The following FBN1 variants were observed in gnomAD, a reference collection of about 807,000 sequenced individuals.
The protein encoded by FBN1 is fibrillin-1.
In FBN1, 29 loss-of-function variants were observed where a neutral mutation model predicts 365.1. The ratio of observed to expected loss-of-function variants is 0.08; its 90% CI spans 0.06 to 0.11. The LOEUF is 0.11. Ranked by LOEUF, FBN1 falls within the 10% of genes least tolerant of loss-of-function variation. The probability of loss-of-function intolerance (pLI) is 1.00; values close to 1 mark genes in which losing one functional copy is unlikely to be tolerated. For missense variants in FBN1, 2,476 were observed against 3,703.2 expected (o/e 0.67, Z 8.60); for synonymous variants, 1,210 against 1,270.5 (o/e 0.95, Z 1.01).
chr15:48,618,892 T>C (rs1341201962), intron 2 of FBN1, among the ~76,000 whole-genome samples: 1 of 152,138 alleles, frequency 6.6e-6, no homozygotes, highest in Non-Finnish European at 1.5e-5. Flanking sequence ...TGACTGATGA[T>C]CTGTCACTGT....
intron 50 of FBN1, 128 bp downstream of exon 50, chr15:48,441,592 AC>A: frequency 8.8e-7 from 1 of 1,140,068 alleles, no homozygotes; most frequent in Non-Finnish European, 1.3e-6. Flanking sequence ...TTATCATTAG[AC>A]CTCTGGGTGA....
At position 48,410,837 on chromosome 15, in the gene FBN1, C is replaced by G. The variant is rs2042854725; in HGVS notation, c.*153G>C. ...TTTGAACTAGGGTAGTCACCTGTAC[C>G]TTGCTTTGGTAATACAAAGAATAGT... On this transcript the variant is annotated 3_prime_UTR_variant, in exon 66 of 66. Coordinates refer to ENST00000316623, the MANE Select transcript of FBN1 (RefSeq NM_000138.5). 1.3e-6 allele frequency: 1 copy of G among 771,630 alleles called. No homozygotes were observed. The highest frequency in any genetic ancestry group is 1.9e-5 in the South Asian group (1 of 53,570). The allele number at this position is 771,630 out of a possible 1,614,324, so 47.8% of individuals were successfully genotyped here. A position where few individuals can be genotyped will look rare whatever the true frequency, so the allele number is the denominator to read the frequency against.
At chr15:48,543,606 C>G (rs1756015766) in intron 6 of FBN1, among the ~76,000 whole-genome samples, 2 of 152,158 alleles carry the variant, frequency 1.3e-5, no homozygotes, top group African/African-American at 4.8e-5. Flanking sequence ...AAGGAAACAA[C>G]CAGAAAACTC....
At chr15:48,571,275 G>A (rs1315370414) in intron 6 of FBN1, among the ~76,000 whole-genome samples, 4 of 152,080 alleles carry the variant, frequency 2.6e-5, no homozygotes. Context: ...GTTTAAACTA[G>A]GTATAGCAGA....
chr15:48,584,839 A>G (rs528073779), intron 6 of FBN1, among the ~76,000 whole-genome samples: 7 of 152,340 alleles, frequency 4.6e-5, no homozygotes, highest in Admixed American at 3.3e-4. Flanking sequence ...CCAGTTTTAT[A>G]TCATTAAGAT....
intron 50 of FBN1, among the ~76,000 whole-genome samples, chr15:48,438,410 T>G (rs1004746671): frequency 6.6e-6 from 1 of 152,144 alleles, no homozygotes; most frequent in African/African-American, 2.4e-5. Flanking sequence ...GGAACTAAAA[T>G]AAAATCCCAG....
At chr15:48,435,692 AT>A (rs1156788776) in intron 53 of FBN1, among the ~76,000 whole-genome samples, 1 of 133,312 alleles carries the variant, frequency 7.5e-6, no homozygotes, top group Non-Finnish European at 1.6e-5. Flanking sequence ...GTGTGTGTGC[AT>A]GTGTGTGTGT....
Position 48,488,491 on chromosome 15 carries a change from T to C in FBN1, c.3085A>G (p.Ile1029Val), listed in dbSNP as rs751214646. 6.2e-7 allele frequency: 1 copy of C among 1,613,724 alleles called. No individual in the cohort carries two copies. Among genetic ancestry groups the C allele is most frequent in the Non-Finnish European group, 8.5e-7 (1 of 1,180,008 alleles). ...CTGGGTATCATCTTGCACTCATTGA[T>C]ATCTTCAAGAATAAGAAAATGTGGG... is the stretch of plus-strand genomic sequence containing the variant. ...ITNGKPFFKD[I>V]NECKMIPSLC... The change falls in exon 26 of 66, where the codon ATC (isoleucine) becomes GTC (valine). Residue 1029 changes from isoleucine to valine, a missense_variant and splice_region_variant. Physicochemically the swap from Ile to Val is conservative, Grantham distance 29. This residue lies in a region of FBN1 where 1,780 missense variants were observed against 2,840.8 expected (regional missense o/e 0.63). Coordinates refer to ENST00000316623, the MANE Select transcript of FBN1 (RefSeq NM_000138.5).
chr15:48,435,656 G>A (rs2043059755), intron 53 of FBN1, among the ~76,000 whole-genome samples: 1 of 151,250 alleles, frequency 6.6e-6, no homozygotes, highest in African/African-American at 2.4e-5. Flanking sequence ...TCTTTGACCA[G>A]AGACCTAAAA....
intron 4 of FBN1, among the ~76,000 whole-genome samples, chr15:48,605,831 C>T (rs1301271409): frequency 2.0e-5 from 3 of 152,072 alleles, no homozygotes; most frequent in South Asian, 2.1e-4. Context: ...GCTGAGATCG[C>T]ACCACTGTAC....
At chr15:48,510,542 A>G (rs535337483) in intron 13 of FBN1, among the ~76,000 whole-genome samples, 20 of 152,214 alleles carry the variant, frequency 1.3e-4, no homozygotes, top group Non-Finnish European at 2.6e-4. Flanking sequence ...TAAAAGACAT[A>G]TTTTATAGCT....
In FBN1 at chr15:48,488,106, A is replaced by G; in HGVS notation, c.3337+7T>C. On this transcript the variant is annotated splice_region_variant and intron_variant, in intron 27 of 65. Coordinates refer to ENST00000316623, the MANE Select transcript of FBN1 (RefSeq NM_000138.5). ...TTTCTGTGTTGATCAAATGATCCCA[A>G]ACTTACCCATGCAGTTCTTCATCAT... 1 of 1,614,154 alleles carries G rather than the reference A, an allele frequency of 6.2e-7. No individual in the cohort carries two copies.
chr15:48,563,298 G>A (rs1275400279), intron 6 of FBN1, among the ~76,000 whole-genome samples: 1 of 152,146 alleles, frequency 6.6e-6, no homozygotes, highest in Non-Finnish European at 1.5e-5. Context: ...GTGATAAAGA[G>A]AAACTAAGGA....
chr15:48,464,383 C>G (rs58438247), intron 40 of FBN1, among the ~76,000 whole-genome samples: 3,479 of 152,126 alleles, frequency 0.023, 67 homozygotes, highest in East Asian at 0.084. Flanking sequence ...TGGTGGTGCA[C>G]ACCTGTAGTC....
chr15:48,480,771 G>A (rs1263777247), intron 32 of FBN1, among the ~76,000 whole-genome samples: 1 of 152,020 alleles, frequency 6.6e-6, no homozygotes, highest in Non-Finnish European at 1.5e-5. Flanking sequence ...TTGCCAAACT[G>A]GTTTTTGGAA....
chr15:48,460,386 AAAT>A (rs1477394603), intron 42 of FBN1, 69 bp from the exon 43 acceptor site: 1 of 963,892 alleles, frequency 1.0e-6, no homozygotes, highest in Non-Finnish European at 1.7e-6. Context: ...GGACTGAAAA[AAAT>A]TATTTTGTAA....
chr15:48,578,625 G>C (rs1019348680), intron 6 of FBN1, among the ~76,000 whole-genome samples: 3 of 151,924 alleles, frequency 2.0e-5, no homozygotes, highest in African/African-American at 7.3e-5. Flanking sequence ...AACAATGATA[G>C]ACTGAATTAA....
At chr15:48,579,587 G>A (rs111443945) in intron 6 of FBN1, among the ~76,000 whole-genome samples, 25 of 152,240 alleles carry the variant, frequency 1.6e-4, no homozygotes, top group African/African-American at 5.8e-4. Flanking sequence ...GAATAATGAG[G>A]AGAACATTTC....
rs1566908050 is a variant in FBN1 at position 48,481,646 on chromosome 15, CA to C, written c.3964+8del. On this transcript the variant is annotated splice_region_variant and intron_variant, in intron 32 of 65. Transcript: ENST00000316623. ...TTAATATTTTATTGTTCTACTTGAACAAACACACCTGTACAGCCAGTTTTTC... is the reference window on the plus strand; with the variant it reads ...TTAATATTTTATTGTTCTACTTGAACAACACACCTGTACAGCCAGTTTTTC... 6.2e-7 allele frequency: 1 copy of C among 1,613,312 alleles called. No homozygotes were observed. Among genetic ancestry groups the C allele is most frequent in the Non-Finnish European group, 8.5e-7 (1 of 1,179,482 alleles).
Sources: allele counts gnomAD v4.1 joint callset (sites outside exome capture counted in the v4.1 genomes callset), GRCh38; gene constraint gnomAD v4.1.1; regional missense constraint gnomAD v4.1.1; transcripts MANE v1.5; gene names NCBI Gene and HGNC (gene_info 2026-07-23, HGNC 2026-07-21).